PLCL2: variants seen among roughly 807,000 people sequenced by gnomAD.
PLCL2 encodes the protein inactive phospholipase C-like protein 2.
PLCL2 carries 4 observed loss-of-function variants against 79.6 expected under a neutral mutation model. That is an observed-to-expected ratio of 0.05 (90% CI 0.02 to 0.11). The LOEUF (loss-of-function observed/expected upper bound fraction) is 0.11, where lower values mean the gene tolerates loss of function less well. PLCL2 is among the 10% of genes least tolerant of loss of function. The pLI, the probability that PLCL2 is intolerant of heterozygous loss-of-function variation, is 1.00. For missense variants in PLCL2, 895 were observed against 1,291.0 expected (o/e 0.69, Z 4.70); for synonymous variants, 484 against 457.7 (o/e 1.06, Z -0.73).
At chr3:16,988,278 A>G (rs1393597847) in intron 1 of PLCL2, among the ~76,000 whole-genome samples, 4 of 152,122 alleles carry the variant, frequency 2.6e-5, no homozygotes, top group African/African-American at 7.2e-5. Flanking sequence ...TGGTCGGGGT[A>G]TATTTAGAAC....
rs80049518 is a variant in PLCL2 at position 16,996,803 on chromosome 3, G to A, written c.328-12871G>A. Among the ~76,000 whole-genome samples the A allele has an allele frequency of 4.2e-3, 647 of 152,240 alleles. 32 individuals carry two copies. In the East Asian group the frequency reaches 0.096, roughly 23 times the overall value. On this transcript the variant is annotated intron_variant, in intron 1 of 5. Transcript: ENST00000615277. Reference sequence around the variant, plus strand: ...ACTCATTTGAACATTGACTGGTATTGCTATAGAATTGTAATTATTTGATTT... The same window carrying A: ...ACTCATTTGAACATTGACTGGTATTACTATAGAATTGTAATTATTTGATTT...
At chr3:17,039,634 G>A (rs2064698560) in intron 3 of PLCL2, among the ~76,000 whole-genome samples, 1 of 152,120 alleles carries the variant, frequency 6.6e-6, no homozygotes, top group Admixed American at 6.6e-5. Flanking sequence ...CTCTGCTGAG[G>A]TCTGGATAAG....
chr3:17,074,811 A>G (rs76400385), intron 5 of PLCL2, among the ~76,000 whole-genome samples: 2 of 152,196 alleles, frequency 1.3e-5, no homozygotes, highest in African/African-American at 4.8e-5. Flanking sequence ...TGTCTTCTGC[A>G]ACTTTCTTAC....
intron 1 of PLCL2, among the ~76,000 whole-genome samples, chr3:16,897,608 A>G (rs1236121806): frequency 1.3e-5 from 2 of 152,254 alleles, no homozygotes; most frequent in African/African-American, 2.4e-5. Context: ...ACAGAAGATT[A>G]TAAATCGGCA....
chr3:17,020,484 C>T (rs1349286017), intron 3 of PLCL2, among the ~76,000 whole-genome samples: 8 of 152,140 alleles, frequency 5.3e-5, no homozygotes, highest in African/African-American at 1.4e-4. Flanking sequence ...AGAGATTATA[C>T]GTGAATTCAT....
At chr3:16,949,223 G>A (rs987750744) in intron 1 of PLCL2, among the ~76,000 whole-genome samples, 1 of 152,170 alleles carries the variant, frequency 6.6e-6, no homozygotes, top group Non-Finnish European at 1.5e-5. Flanking sequence ...TTGCTGGGTA[G>A]AAGGTGTGTC....
intron 1 of PLCL2, among the ~76,000 whole-genome samples, chr3:16,900,763 G>A (rs1046248820): frequency 6.6e-6 from 1 of 152,142 alleles, no homozygotes; most frequent in Non-Finnish European, 1.5e-5. Flanking sequence ...AAAAGTTGAG[G>A]CCCATGTAAA....
intron 4 of PLCL2, among the ~76,000 whole-genome samples, chr3:17,043,372 C>A (rs921914889): frequency 6.6e-6 from 1 of 152,188 alleles, no homozygotes; most frequent in Non-Finnish European, 1.5e-5. Context: ...ATTCCAGTTA[C>A]AACCTCCTGA....
intron 1 of PLCL2, among the ~76,000 whole-genome samples, chr3:16,914,919 A>G (rs899638795): frequency 2.6e-5 from 4 of 152,116 alleles, no homozygotes; most frequent in Admixed American, 1.3e-4. Flanking sequence ...TTCTGTAGAC[A>G]AGAGATCTTG....
intron 1 of PLCL2, among the ~76,000 whole-genome samples, chr3:16,907,778 A>G (rs7630995): frequency 5.5e-4 from 84 of 152,336 alleles, no homozygotes; most frequent in African/African-American, 1.4e-3. Flanking sequence ...CGTACAGCAT[A>G]ACAAAAGTCT....
chr3:16,971,657 G>A lies in PLCL2; in HGVS notation c.328-38017G>A, dbSNP rs536660344. On this transcript the variant is annotated intron_variant, in intron 1 of 5. Transcript: ENST00000615277. The stretch of plus-strand genomic sequence containing the variant: ...CCTTGGGCGATATGGCCATTTTCAC[G>A]ATATTGATTCTTCCTACCCATGAGC... Among the ~76,000 whole-genome samples the A allele has an allele frequency of 7.0e-3, 1,072 of 152,214 alleles. 6 individuals are homozygous for A. Among genetic ancestry groups the A allele is most frequent in the African/African-American group, 0.021 (891 of 41,526 alleles).
chr3:16,968,863 A>C (rs2063830941), intron 1 of PLCL2, among the ~76,000 whole-genome samples: 3 of 152,116 alleles, frequency 2.0e-5, no homozygotes, highest in Non-Finnish European at 4.4e-5. Context: ...TTGCCCATTC[A>C]GTATGATGTT....
intron 1 of PLCL2, among the ~76,000 whole-genome samples, chr3:16,975,515 T>G (rs1482113553): frequency 6.6e-6 from 1 of 152,164 alleles, no homozygotes; most frequent in East Asian, 1.9e-4. Flanking sequence ...GGATGTAGCT[T>G]TCTTGACTGT....
intron 1 of PLCL2, among the ~76,000 whole-genome samples, chr3:16,890,953 C>G (rs1391113092): frequency 6.6e-6 from 1 of 152,232 alleles, no homozygotes; most frequent in African/African-American, 2.4e-5. Context: ...TGGCAGGACA[C>G]TTGGCACCCA....
At position 17,052,392 on chromosome 3, in the gene PLCL2, T is replaced by C. The variant is rs1458972086; in HGVS notation, c.3094+9443T>C. ...CCAGTGCCAGACAATGAAGAATATG[T>C]AGAAGAAGCAGTGCCCCCAAACAAA... is the stretch of plus-strand genomic sequence containing the variant. On this transcript the variant is annotated intron_variant, in intron 4 of 5. Transcript: ENST00000615277. 2.0e-5 allele frequency among the ~76,000 whole-genome samples: 3 copies of C among 152,066 alleles called. No individual in the cohort carries two copies. The East Asian group carries it at 5.8e-4, about 29-fold the overall frequency.
rs2064560126 is a variant in PLCL2 at position 17,029,663 on chromosome 3, T to C, written c.3019-13211T>C. 2.0e-5 allele frequency among the ~76,000 whole-genome samples: 3 copies of C among 152,134 alleles called. No individual in the cohort carries two copies. In the South Asian group the frequency reaches 6.2e-4, roughly 32 times the overall value. ...GGGTAGGGATAGGGTCCGTTTGAGC[T>C]GAGCAGAGAAATTCTTGAAAGCCAG... On this transcript the variant is annotated intron_variant, in intron 3 of 5. Transcript: ENST00000615277.
chr3:16,972,574 G>T (rs1041472630), intron 1 of PLCL2, among the ~76,000 whole-genome samples: 1 of 152,116 alleles, frequency 6.6e-6, no homozygotes, highest in Admixed American at 6.6e-5. Flanking sequence ...AACATTGTTG[G>T]TGGGGGTTGA....
chr3:16,894,533 C>G (rs745339724), intron 1 of PLCL2, among the ~76,000 whole-genome samples: 2 of 152,192 alleles, frequency 1.3e-5, no homozygotes, highest in Non-Finnish European at 2.9e-5. Context: ...CCTAACTGGT[C>G]CAGCCAATTT....
At chr3:17,019,712 CTG>C (rs1433400246) in intron 3 of PLCL2, among the ~76,000 whole-genome samples, 6 of 152,134 alleles carry the variant, frequency 3.9e-5, no homozygotes, top group Admixed American at 3.9e-4. Context: ...ATAAAGAAAA[CTG>C]TAATCAGTAG....
Sources: gnomAD v4.1 joint callset for allele counts (sites outside exome capture counted in the v4.1 genomes callset) on GRCh38, gnomAD v4.1.1 for gene constraint, MANE v1.5 for transcripts, NCBI Gene and HGNC (gene_info 2026-07-23, HGNC 2026-07-21) for gene names.